Variants in ATAD2B observed in about 807,000 individuals in gnomAD.
ATAD2B encodes the protein ATPase family AAA domain-containing protein 2B.
In ATAD2B, 40 loss-of-function variants were observed where a neutral mutation model predicts 167.6. The ratio of observed to expected loss-of-function variants is 0.24; its 90% CI spans 0.19 to 0.31. The LOEUF is 0.31. Ranked by LOEUF, ATAD2B falls within the 10% of genes least tolerant of loss-of-function variation. The pLI is 1.00. For synonymous variants in ATAD2B, 579 were observed against 596.5 expected, an observed-to-expected ratio of 0.97 and a Z score of 0.43; for missense variants, 1,242 against 1,757.2, an observed-to-expected ratio of 0.71 and a Z score of 5.24.
the ATAD2B span, among the ~76,000 whole-genome samples, chr2:23,738,772 A>G: frequency 6.6e-6 from 1 of 152,240 alleles, no homozygotes; most frequent in African/African-American, 2.4e-5. Context: ...ATAAAGAGTC[A>G]AGACCCATCA....
intron 13 of ATAD2B, among the ~76,000 whole-genome samples, chr2:23,842,759 AAAGC>A (rs1485464974): frequency 6.6e-6 from 1 of 152,220 alleles, no homozygotes; most frequent in Non-Finnish European, 1.5e-5. Flanking sequence ...GGTCCTGAAC[AAAGC>A]AAGGAGCAGA....
At chr2:23,689,768 G>A in the ATAD2B span, 1 of 152,352 alleles carries the variant, frequency 6.6e-6, no homozygotes, top group Non-Finnish European at 1.5e-5. Flanking sequence ...GTACGAGGTT[G>A]ACCAGATGGC....
chr2:23,698,316 A>G, the ATAD2B span, among the ~76,000 whole-genome samples: 1 of 152,084 alleles, frequency 6.6e-6, no homozygotes, highest in Admixed American at 6.5e-5. Context: ...AGGCTTGAAG[A>G]CCCCTGGGCA....
intron 16 of ATAD2B, among the ~76,000 whole-genome samples, chr2:23,820,377 G>A (rs1018668330): frequency 3.3e-5 from 5 of 152,034 alleles, no homozygotes; most frequent in East Asian, 1.9e-4. Context: ...CAGAAATTCC[G>A]TCAAAGCTAA....
At chr2:23,863,156 A>G (rs1426661282) in intron 12 of ATAD2B, among the ~76,000 whole-genome samples, 2 of 152,142 alleles carry the variant, frequency 1.3e-5, no homozygotes, top group South Asian at 4.1e-4. Flanking sequence ...AAATACAAAA[A>G]TCAGCCAGGC....
the ATAD2B span, among the ~76,000 whole-genome samples, chr2:23,732,099 C>T: frequency 2.6e-5 from 4 of 152,238 alleles, no homozygotes; most frequent in Non-Finnish European, 5.9e-5. Flanking sequence ...ATTTTGAGTG[C>T]TCAATAGCTA....
At chr2:23,857,089 G>A (rs1389568020) in intron 13 of ATAD2B, among the ~76,000 whole-genome samples, 2 of 152,156 alleles carry the variant, frequency 1.3e-5, no homozygotes, top group Admixed American at 6.5e-5. Context: ...CATAGTAAAT[G>A]TTTTAAACTT....
intron 15 of ATAD2B, among the ~76,000 whole-genome samples, chr2:23,826,513 C>A (rs1339103497): frequency 6.6e-6 from 1 of 152,112 alleles, no homozygotes; most frequent in Non-Finnish European, 1.5e-5. Flanking sequence ...ACTCTGTGAA[C>A]ACATTTAGTT....
At chr2:23,680,980 C>A in the ATAD2B span, among the ~76,000 whole-genome samples, 4 of 152,210 alleles carry the variant, frequency 2.6e-5, no homozygotes, top group Non-Finnish European at 5.9e-5. The surrounding 1 kb of genome is among the most constrained non-coding windows in gnomAD (Gnocchi z 4.1). Flanking sequence ...CCGCAGCAAT[C>A]CCACACACCT....
intron 13 of ATAD2B, among the ~76,000 whole-genome samples, chr2:23,845,217 T>C (rs946959268): frequency 1.3e-5 from 2 of 152,170 alleles, no homozygotes; most frequent in Admixed American, 1.3e-4. Context: ...TCCTTATCTC[T>C]ACCCAAGAGC....
At chr2:23,742,244 C>A in the ATAD2B span, among the ~76,000 whole-genome samples, 4 of 152,204 alleles carry the variant, frequency 2.6e-5, no homozygotes, top group East Asian at 7.7e-4. Flanking sequence ...GCTATAAAGA[C>A]ACATGCACAT....
At chr2:23,849,114 C>G (rs1473916312) in intron 13 of ATAD2B, among the ~76,000 whole-genome samples, 1 of 151,934 alleles carries the variant, frequency 6.6e-6, no homozygotes, top group East Asian at 1.9e-4. Context: ...ATGAAATGAT[C>G]CCCAATTCAA....
chr2:23,801,428 C>T (rs1481485555), intron 18 of ATAD2B, among the ~76,000 whole-genome samples: 2 of 151,236 alleles, frequency 1.3e-5, no homozygotes, highest in African/African-American at 2.4e-5. Flanking sequence ...CATTTGAGAA[C>T]TAGAAAAATA....
At chr2:23,878,170 G>C (rs2150180984) in intron 7 of ATAD2B, among the ~76,000 whole-genome samples, 1 of 152,040 alleles carries the variant, frequency 6.6e-6, no homozygotes, top group Admixed American at 6.6e-5. Flanking sequence ...AGATCAGCCT[G>C]GCCAACATGC....
intron 1 of ATAD2B, among the ~76,000 whole-genome samples, chr2:23,923,048 T>C (rs1381128926): frequency 1.3e-5 from 2 of 152,210 alleles, no homozygotes; most frequent in African/African-American, 4.8e-5. Context: ...TCGACGGACA[T>C]CTGCACTTCC....
intron 19 of ATAD2B, among the ~76,000 whole-genome samples, chr2:23,788,881 A>G (rs538522933): frequency 2.0e-5 from 3 of 152,208 alleles, no homozygotes; most frequent in African/African-American, 7.2e-5. Context: ...ATGATACTAC[A>G]TATCTAGTAA....
chr2:23,847,483 C>A (rs146975215), intron 13 of ATAD2B, among the ~76,000 whole-genome samples: 1,640 of 151,098 alleles, frequency 0.011, 25 homozygotes, highest in African/African-American at 0.037. Flanking sequence ...CCAGCCTGGG[C>A]GACAGAGTAA....
At chr2:23,698,179 G>T in the ATAD2B span, among the ~76,000 whole-genome samples, 5 of 152,218 alleles carry the variant, frequency 3.3e-5, no homozygotes, top group Admixed American at 6.5e-5. Context: ...AGTTCAGCAT[G>T]GGCACAGTGT....
chr2:23,848,433 C>T (rs757606146), intron 13 of ATAD2B, among the ~76,000 whole-genome samples: 1 of 152,008 alleles, frequency 6.6e-6, no homozygotes, highest in Non-Finnish European at 1.5e-5. Context: ...TGAGCCGAGA[C>T]TGCGCCACTA....
Sources: allele counts gnomAD v4.1 joint callset (sites outside exome capture counted in the v4.1 genomes callset), GRCh38; gene constraint gnomAD v4.1.1; non-coding constraint Gnocchi (gnomAD v3.1); transcripts MANE v1.5; gene names NCBI Gene and HGNC (gene_info 2026-07-23, HGNC 2026-07-21).